FMN2: variants seen among roughly 807,000 people sequenced by gnomAD.
The protein encoded by FMN2 is formin 2.
FMN2 carries 51 observed loss-of-function variants against 142.3 expected under a neutral mutation model. The ratio of observed to expected loss-of-function variants is 0.36; its 90% CI spans 0.29 to 0.45. FMN2 has a LOEUF of 0.45. Ranked by LOEUF, FMN2 falls within the 20% of genes least tolerant of loss-of-function variation. The probability of loss-of-function intolerance (pLI) is 1.00; values close to 1 mark genes in which losing one functional copy is unlikely to be tolerated. For missense variants in FMN2, 1,936 were observed against 2,122.8 expected, an observed-to-expected ratio of 0.91 and a Z score of 1.73; for synonymous variants, 882 against 869.8, an observed-to-expected ratio of 1.01 and a Z score of -0.25.
In FMN2 at chr1:240,123,505, C is replaced by CAAAAAA. The variant is rs71168901; in HGVS notation, c.1782+172_1782+177dup. ...ACAGCTCGGTATGTCTGTTTGTACACAAAAAAAAAAAAAAAAAGAAAGAAA... is the reference window on the plus strand; with the variant it reads ...ACAGCTCGGTATGTCTGTTTGTACACAAAAAAAAAAAAAAAAAAAAAAAGAAAGAAA... On this transcript the variant is annotated intron_variant, in intron 2 of 17. Coordinates refer to ENST00000319653, the MANE Select transcript of FMN2 (RefSeq NM_020066.5). 2.3e-3 allele frequency among the ~76,000 whole-genome samples: 242 copies of CAAAAAA among 106,976 alleles called. 1 individual carries two copies. The highest frequency in any genetic ancestry group is 3.2e-3 in the Non-Finnish European group (165 of 51,998). The allele number at this position is 106,976 out of a possible 152,430, so 70.2% of individuals were successfully genotyped here.
chr1:240,208,155 G>A lies in FMN2; in HGVS notation c.3343G>A (p.Gly1115Arg), dbSNP rs1203610599. 7.5e-6 allele frequency: 8 copies of A among 1,067,970 alleles called. No individual in the cohort carries two copies. Among genetic ancestry groups the A allele is most frequent in the South Asian group, 5.8e-5 (4 of 69,192 alleles). 66.2% of individuals were successfully genotyped at this position (1,067,970 alleles called of 1,614,324 possible). A position where few individuals can be genotyped will look rare whatever the true frequency, so the allele number is the denominator to read the frequency against. Residue 1115 changes from glycine (G) to arginine (R), a missense_variant, in exon 5 of 18, where the codon GGA (glycine) becomes AGA (arginine). By Grantham distance (125) the Gly-to-Arg change is moderately radical (BLOSUM62 -2). Coordinates refer to ENST00000319653, the MANE Select transcript of FMN2 (RefSeq NM_020066.5). ...CATACCTCCTCCGCCCCCTCTACCCGGAGCGGGCATACCCCCTCCTCCCCC... is the reference window on the plus strand; with the variant it reads ...CATACCTCCTCCGCCCCCTCTACCCAGAGCGGGCATACCCCCTCCTCCCCC... ...VGIPPPPPLP[G>R]AGIPPPPPLP...
chr1:240,143,421 A>T, intron 2 of FMN2: 1 of 1,430,500 alleles, frequency 7.0e-7, no homozygotes, highest in Non-Finnish European at 9.9e-7. Flanking sequence ...CAATCCCCAG[A>T]ACAGCCACTC....
At chr1:240,370,827 G>T (rs570048840) in intron 14 of FMN2, among the ~76,000 whole-genome samples, 1 of 152,160 alleles carries the variant, frequency 6.6e-6, no homozygotes, top group South Asian at 2.1e-4. Context: ...TTCTGGAAAA[G>T]ATTGAATAAT....
In FMN2 at chr1:240,364,144, G is replaced by A. The variant is rs556869757; in HGVS notation, c.4858+8236G>A. ...CATTATTATCCTCATTTTACGATGA[G>A]GAAACAAATTCTCAGAGGGCTCATT... On this transcript the variant is annotated intron_variant, in intron 14 of 17. Coordinates refer to ENST00000319653, the MANE Select transcript of FMN2 (RefSeq NM_020066.5). Among the ~76,000 whole-genome samples, 4 of 152,172 alleles carry A rather than the reference G, an allele frequency of 2.6e-5. No homozygotes were observed. The East Asian group carries it at 7.7e-4, about 29-fold the overall frequency.
chr1:240,232,249 C>CT (rs77988184), intron 6 of FMN2, among the ~76,000 whole-genome samples: 2,621 of 99,518 alleles, frequency 0.026, 85 homozygotes, highest in African/African-American at 0.084. Flanking sequence ...CCCAGCTAAT[C>CT]TTTTTTTTTT....
intron 16 of FMN2, among the ~76,000 whole-genome samples, chr1:240,463,104 A>G (rs1436428755): frequency 6.6e-6 from 1 of 152,150 alleles, no homozygotes; most frequent in Non-Finnish European, 1.5e-5. Flanking sequence ...GGAACTTTAA[A>G]CAATTTTTGC....
At chr1:240,394,125 G>A (rs1673697267) in intron 15 of FMN2, among the ~76,000 whole-genome samples, 2 of 152,182 alleles carry the variant, frequency 1.3e-5, no homozygotes, top group African/African-American at 4.8e-5. Flanking sequence ...CAGTCACAAT[G>A]GGTGAAGGGT....
At chr1:240,469,588 A>T (rs960590565) in intron 16 of FMN2, among the ~76,000 whole-genome samples, 1 of 152,102 alleles carries the variant, frequency 6.6e-6, no homozygotes, top group Non-Finnish European at 1.5e-5. Flanking sequence ...CAACCTTTAT[A>T]TGTTATTCTT....
At chr1:240,210,130 A>G (rs920089335) in intron 5 of FMN2, among the ~76,000 whole-genome samples, 3 of 152,162 alleles carry the variant, frequency 2.0e-5, no homozygotes, top group Non-Finnish European at 2.9e-5. Context: ...ATAAAAGAAT[A>G]CTTTCCACCA....
chr1:240,299,930 G>A (rs1026889233), intron 8 of FMN2, among the ~76,000 whole-genome samples: 2 of 152,282 alleles, frequency 1.3e-5, no homozygotes, highest in African/African-American at 4.8e-5. Flanking sequence ...GTAGGAATAA[G>A]GTGGCGCGCT....
At chr1:240,217,952 T>C (rs1666966104) in intron 6 of FMN2, among the ~76,000 whole-genome samples, 1 of 152,148 alleles carries the variant, frequency 6.6e-6, no homozygotes, top group Non-Finnish European at 1.5e-5. Context: ...ATAGTGTAGA[T>C]AGTTAATTCT....
At chr1:240,366,536 C>CT (rs36063372) in intron 14 of FMN2, among the ~76,000 whole-genome samples, 45,114 of 143,446 alleles carry the variant, frequency 0.31, 7,069 homozygotes, top group Admixed American at 0.39. Flanking sequence ...CTATTCTATC[C>CT]TTTTTTTTTT....
At chr1:240,303,495 G>C (rs931957429) in intron 8 of FMN2, among the ~76,000 whole-genome samples, 1 of 152,068 alleles carries the variant, frequency 6.6e-6, no homozygotes, top group African/African-American at 2.4e-5. Context: ...CTGCCTTCTG[G>C]TCTCCCAAAT....
chr1:240,233,782 C>A (rs992914033), intron 6 of FMN2, among the ~76,000 whole-genome samples: 1 of 152,056 alleles, frequency 6.6e-6, no homozygotes, highest in African/African-American at 2.4e-5. Flanking sequence ...TTTCTGTATG[C>A]GCATAAAAAG....
At chr1:240,421,827 G>T (rs892535012) in intron 15 of FMN2, among the ~76,000 whole-genome samples, 1 of 151,988 alleles carries the variant, frequency 6.6e-6, no homozygotes, top group Non-Finnish European at 1.5e-5. Context: ...AGCAGGGGAT[G>T]GGAGAACATT....
At chr1:240,137,415 C>T (rs1038379551) in intron 2 of FMN2, among the ~76,000 whole-genome samples, 12 of 152,130 alleles carry the variant, frequency 7.9e-5, no homozygotes, top group East Asian at 1.9e-4. Context: ...CTAATAAGCA[C>T]GGCTGTGTTT....
At chr1:240,179,956 G>A (rs944748435) in intron 3 of FMN2, among the ~76,000 whole-genome samples, 1 of 152,032 alleles carries the variant, frequency 6.6e-6, no homozygotes, top group African/African-American at 2.4e-5. Context: ...AACATTTTAT[G>A]TTGCTGGTAT....
intron 15 of FMN2, among the ~76,000 whole-genome samples, chr1:240,414,793 C>T (rs377096882): frequency 6.6e-6 from 1 of 152,188 alleles, no homozygotes; most frequent in South Asian, 2.1e-4. Context: ...TACTTGTAAG[C>T]TTATAAAAAT....
intron 7 of FMN2, among the ~76,000 whole-genome samples, chr1:240,293,312 A>G (rs966221789): frequency 6.6e-6 from 1 of 152,106 alleles, no homozygotes; most frequent in Non-Finnish European, 1.5e-5. Context: ...TCTGACACCA[A>G]GTTGACCCCT....
Sources: gnomAD v4.1 joint callset for allele counts (sites outside exome capture counted in the v4.1 genomes callset) on GRCh38, gnomAD v4.1.1 for gene constraint, MANE v1.5 for transcripts, NCBI Gene and HGNC (gene_info 2026-07-23, HGNC 2026-07-21) for gene names.